The following NELL2 variants were observed in gnomAD, a reference collection of about 807,000 sequenced individuals.
NELL2 encodes protein kinase C-binding protein NELL2.
Under a neutral mutation model 109.6 loss-of-function variants are expected in NELL2, and 41 were observed. The observed-to-expected ratio is 0.37, with a 90% confidence interval of 0.29 to 0.49. The LOEUF is 0.49. NELL2 is among the 20% of genes least tolerant of loss of function. NELL2 has a pLI of 0.98. For synonymous variants in NELL2, 355 were observed against 344.7 expected (o/e 1.03, Z -0.33); for missense variants, 900 against 1,008.3 (o/e 0.89, Z 1.45).
At chr12:44,748,515 C>A (rs562115872) in intron 9 of NELL2, among the ~76,000 whole-genome samples, 15 of 152,230 alleles carry the variant, frequency 9.9e-5, no homozygotes, top group African/African-American at 3.1e-4. Flanking sequence ...AATTATTATT[C>A]ATGCAAATGA....
intron 12 of NELL2, among the ~76,000 whole-genome samples, chr12:44,667,738 G>C (rs996128400): frequency 1.3e-5 from 2 of 152,160 alleles, no homozygotes; most frequent in African/African-American, 2.4e-5. Flanking sequence ...CTGAGGCATG[G>C]GAGAGAGAAG....
At chr12:44,888,656 T>C (rs887436126) in intron 1 of NELL2, among the ~76,000 whole-genome samples, 1 of 151,824 alleles carries the variant, frequency 6.6e-6, no homozygotes, top group Non-Finnish European at 1.5e-5. Context: ...GTAAGCGGGA[T>C]AAAATAATTT....
chr12:44,664,989 T>C (rs1947873954), intron 13 of NELL2, among the ~76,000 whole-genome samples: 1 of 152,112 alleles, frequency 6.6e-6, no homozygotes, highest in Admixed American at 6.6e-5. Context: ...AGAGTGGTAT[T>C]TCATACAACA....
intron 13 of NELL2, among the ~76,000 whole-genome samples, chr12:44,663,466 C>T (rs1308179127): frequency 1.3e-5 from 2 of 152,158 alleles, no homozygotes; most frequent in African/African-American, 4.8e-5. Flanking sequence ...TACATTTTAT[C>T]ATCTGCCAGA....
intron 15 of NELL2, among the ~76,000 whole-genome samples, chr12:44,552,393 T>C (rs990902760): frequency 3.3e-5 from 5 of 151,932 alleles, no homozygotes; most frequent in Non-Finnish European, 7.4e-5. Flanking sequence ...GCCTTAAAAG[T>C]GCTAAAAACC....
intron 13 of NELL2, among the ~76,000 whole-genome samples, chr12:44,633,566 T>G (rs1946530250): frequency 6.6e-6 from 1 of 152,242 alleles, no homozygotes; most frequent in South Asian, 2.1e-4. Context: ...TTGCTTTGAG[T>G]TCAAAGTCAT....
intron 2 of NELL2, among the ~76,000 whole-genome samples, chr12:44,845,857 T>C (rs983136988): frequency 6.6e-6 from 1 of 152,180 alleles, no homozygotes; most frequent in African/African-American, 2.4e-5. Flanking sequence ...TCAATTTACC[T>C]CCACTTCCAG....
At chr12:44,557,264 A>AG (rs1186343482) in intron 15 of NELL2, among the ~76,000 whole-genome samples, 7 of 152,194 alleles carry the variant, frequency 4.6e-5, no homozygotes, top group African/African-American at 1.4e-4. Context: ...TTCTTCACCA[A>AG]GGGACCACTG....
chr12:44,866,215 A>G (rs1944995815), intron 2 of NELL2, among the ~76,000 whole-genome samples: 1 of 152,234 alleles, frequency 6.6e-6, no homozygotes, highest in Non-Finnish European at 1.5e-5. Context: ...GAATTGTGAG[A>G]AATAAAAAAA....
Position 44,776,151 on chromosome 12 carries a change from C to G in NELL2, c.763-1G>C. On this transcript the variant is annotated splice_acceptor_variant, in intron 7 of 19. Coordinates refer to ENST00000429094, the MANE Select transcript of NELL2 (RefSeq NM_001145108.2). LOFTEE classifies it high-confidence loss of function. ...TCATTCGCTGTTCAGCTCGAGACAG[C>G]TGTGGCACAAAAGAACGGGTTTTAC... is the stretch of plus-strand genomic sequence containing the variant. 6.2e-7 allele frequency: 1 copy of G among 1,613,008 alleles called. No homozygotes were observed. The highest frequency in any genetic ancestry group is 8.5e-7 in the Non-Finnish European group (1 of 1,179,552).
At chr12:44,684,532 C>T (rs1275894768) in intron 12 of NELL2, among the ~76,000 whole-genome samples, 6 of 152,042 alleles carry the variant, frequency 3.9e-5, no homozygotes, top group African/African-American at 1.2e-4. Flanking sequence ...TTGGATCTTT[C>T]CTGCTTTCTC....
chr12:44,699,351 G>T (rs1340163993), intron 12 of NELL2, among the ~76,000 whole-genome samples: 1 of 151,972 alleles, frequency 6.6e-6, no homozygotes, highest in African/African-American at 2.4e-5. Context: ...GGAAAAGCTA[G>T]ACAAGCCATG....
In NELL2 at chr12:44,822,622, T is replaced by C. The variant is rs12228476; in HGVS notation, c.185-6486A>G. The stretch of plus-strand genomic sequence containing the variant: ...CTAGTAAGCTCTATAGAGAAACTTA[T>C]CGACATGCCTATGCTGCATGGGAGC... On this transcript the variant is annotated intron_variant, in intron 2 of 19. Coordinates refer to ENST00000429094, the MANE Select transcript of NELL2 (RefSeq NM_001145108.2). Among the ~76,000 whole-genome samples, 2,800 of 152,308 alleles carry C rather than the reference T, an allele frequency of 0.018. 116 individuals are homozygous for C. In the East Asian group the frequency reaches 0.19, roughly 10 times the overall value.
intron 9 of NELL2, among the ~76,000 whole-genome samples, chr12:44,771,961 G>A (rs763108503): frequency 5.3e-5 from 8 of 152,190 alleles, no homozygotes; most frequent in Non-Finnish European, 7.3e-5. Flanking sequence ...GTCACATTCA[G>A]CAGTTAGGTT....
intron 15 of NELL2, among the ~76,000 whole-genome samples, chr12:44,581,858 C>T (rs968653522): frequency 1.3e-5 from 2 of 151,898 alleles, no homozygotes; most frequent in Non-Finnish European, 2.9e-5. Flanking sequence ...AAATTAGGGC[C>T]TAAAACATGG....
chr12:44,866,743 G>T (rs1282138506), intron 2 of NELL2, among the ~76,000 whole-genome samples: 1 of 151,598 alleles, frequency 6.6e-6, no homozygotes, highest in Non-Finnish European at 1.5e-5. Context: ...AGAAATTTAA[G>T]AAAAAAGAGA....
chr12:44,563,679 C>A (rs1270151485), intron 15 of NELL2, among the ~76,000 whole-genome samples: 1 of 152,164 alleles, frequency 6.6e-6, no homozygotes, highest in African/African-American at 2.4e-5. Context: ...TTGAAAGAAT[C>A]TTCTAGTGCC....
At chr12:44,917,371 C>T (rs1025473540), upstream of NELL2, among the ~76,000 whole-genome samples, 1 of 152,178 alleles carries the variant, frequency 6.6e-6, no homozygotes, top group African/African-American at 2.4e-5. Flanking sequence ...GCCCAGCTGT[C>T]CAACTGTCCT....
intron 15 of NELL2, among the ~76,000 whole-genome samples, chr12:44,559,450 C>T (rs1012399955): frequency 6.6e-6 from 1 of 152,180 alleles, no homozygotes; most frequent in Admixed American, 6.5e-5. Context: ...CGTGCAAAGA[C>T]ACCCATAGCC....
Sources: allele counts gnomAD v4.1 joint callset (sites outside exome capture counted in the v4.1 genomes callset), GRCh38; gene constraint gnomAD v4.1.1; transcripts MANE v1.5; gene names NCBI Gene and HGNC (gene_info 2026-07-23, HGNC 2026-07-21).